The following ARL14EPL variants were observed in gnomAD, a reference collection of about 807,000 sequenced individuals.
The protein encoded by ARL14EPL is ARF like GTPase 14 effector protein like.
A neutral mutation model predicts 15.9 loss-of-function variants in ARL14EPL; 17 were observed. The observed-to-expected ratio is 1.07, with a 90% CI of 0.73 to 1.60. The LOEUF (loss-of-function observed/expected upper bound fraction) is 1.60. Among genes scored for constraint, ARL14EPL ranks in the 40% most tolerant of loss-of-function variants. The probability of loss-of-function intolerance (pLI) is 0.00; values close to 1 mark genes in which losing one functional copy is unlikely to be tolerated. For missense variants in ARL14EPL, 214 were observed against 185.9 expected, an observed-to-expected ratio of 1.15 and a Z score of -0.88; for synonymous variants, 78 against 63.8, an observed-to-expected ratio of 1.22 and a Z score of -1.06.
chr5:116,045,400 C>G (rs957218364), intron 1 of ARL14EPL, among the ~76,000 whole-genome samples: 2 of 152,100 alleles, frequency 1.3e-5, no homozygotes, highest in African/African-American at 4.8e-5. Flanking sequence ...AGTTTTCATC[C>G]TTTTCCACTC....
intron 1 of ARL14EPL, among the ~76,000 whole-genome samples, chr5:116,050,864 C>T (rs537331840): frequency 9.2e-5 from 14 of 151,794 alleles, no homozygotes; most frequent in Admixed American, 2.6e-4. Context: ...CACAGACGCA[C>T]GCACCCTGTA....
intron 3 of ARL14EPL, 87 bp from the exon 4 acceptor site, chr5:116,058,638 T>C (rs1157459869): frequency 1.6e-6 from 2 of 1,269,784 alleles, no homozygotes; most frequent in East Asian, 5.1e-5. Context: ...AAAATGGTCA[T>C]GTGTATGATG....
intron 1 of ARL14EPL, among the ~76,000 whole-genome samples, chr5:116,045,853 A>T (rs1749258045): frequency 1.3e-5 from 2 of 152,170 alleles, no homozygotes; most frequent in South Asian, 4.1e-4. Flanking sequence ...TTGCTTCTAG[A>T]GCATTAACAT....
chr5:116,043,130 C>T (rs140998729), intron 1 of ARL14EPL, among the ~76,000 whole-genome samples: 95 of 152,036 alleles, frequency 6.2e-4, no homozygotes, highest in Non-Finnish European at 1.2e-3. Context: ...ACAGAGTATA[C>T]TCCAAATTAA....
chr5:116,048,452 A>T (rs1749313351), intron 1 of ARL14EPL, among the ~76,000 whole-genome samples: 1 of 152,120 alleles, frequency 6.6e-6, no homozygotes, highest in Non-Finnish European at 1.5e-5. Flanking sequence ...GCAGACAGTG[A>T]TATCTATGGA....
At chr5:116,051,059 A>G (rs1056617183) in intron 1 of ARL14EPL, 1 of 153,610 alleles carries the variant, frequency 6.5e-6, no homozygotes, top group Non-Finnish European at 1.4e-5. Context: ...AGCTGAAACC[A>G]TGAGAGTGGA....
intron 2 of ARL14EPL, 146 bp from the exon 3 acceptor site, chr5:116,053,864 CTTAA>C (rs1662933673): frequency 1.7e-6 from 1 of 591,466 alleles, no homozygotes; most frequent in South Asian, 5.0e-5. Context: ...TCTTTTGAAA[CTTAA>C]TTAGATTAAA....
intron 1 of ARL14EPL, among the ~76,000 whole-genome samples, chr5:116,038,075 C>T (rs752841266): frequency 2.6e-5 from 4 of 151,984 alleles, no homozygotes; most frequent in African/African-American, 4.8e-5. Context: ...GTAGGGATGG[C>T]GGAGTGGGTT....
chr5:116,048,671 C>T (rs187412642), intron 1 of ARL14EPL, among the ~76,000 whole-genome samples: 132 of 152,092 alleles, frequency 8.7e-4, no homozygotes, highest in Admixed American at 6.1e-3. Context: ...TTGACATCTA[C>T]GGCAACTCGA....
At chr5:116,051,664 C>T (rs1749382300) in intron 2 of ARL14EPL, 103 bp downstream of exon 2, 1 of 994,934 alleles carries the variant, frequency 1.0e-6, no homozygotes, top group Non-Finnish European at 1.5e-6. Flanking sequence ...CCAGGCAGGA[C>T]CTCACAGGGA....
At chr5:116,056,346 G>T (rs1207767761) in intron 3 of ARL14EPL, among the ~76,000 whole-genome samples, 2 of 152,192 alleles carry the variant, frequency 1.3e-5, no homozygotes, top group Non-Finnish European at 2.9e-5. Context: ...CATTCTAACT[G>T]GTGTGAGATG....
At chr5:116,058,133 C>G (rs900668593) in intron 3 of ARL14EPL, among the ~76,000 whole-genome samples, 1 of 152,180 alleles carries the variant, frequency 6.6e-6, no homozygotes, top group Non-Finnish European at 1.5e-5. Flanking sequence ...CACCTCCTTT[C>G]TCCCTCCTCA....
In ARL14EPL at chr5:116,052,369, C is replaced by A. The variant is rs746335695; in HGVS notation, c.96+808C>A. On this transcript the variant is annotated intron_variant, in intron 2 of 3. Transcript: ENST00000686077. Reference sequence around the variant, plus strand: ...GCTACAAATGTTTTTATTTAATGAACCTTTATTTTGTTATTATTATGTCAC... The same window carrying A: ...GCTACAAATGTTTTTATTTAATGAAACTTTATTTTGTTATTATTATGTCAC... 3.3e-5 allele frequency: 26 copies of A among 792,850 alleles called. No homozygotes were observed. In the South Asian group the frequency reaches 3.7e-4, roughly 11 times the overall value. 49.1% of individuals were successfully genotyped at this position (792,850 alleles called of 1,614,324 possible).
At chr5:116,044,019 TG>T (rs1749217151) in intron 1 of ARL14EPL, among the ~76,000 whole-genome samples, 1 of 152,208 alleles carries the variant, frequency 6.6e-6, no homozygotes, top group Admixed American at 6.5e-5. Flanking sequence ...AATCTGGAAC[TG>T]GCAAGATGGA....
chr5:116,055,609 C>T (rs6862842), intron 3 of ARL14EPL, among the ~76,000 whole-genome samples: 1 of 151,214 alleles, frequency 6.6e-6, no homozygotes, highest in Non-Finnish European at 1.5e-5. Context: ...TAACTAAGAC[C>T]AAAACAAGGA....
chr5:116,056,351 G>A (rs1749517120), intron 3 of ARL14EPL, among the ~76,000 whole-genome samples: 1 of 152,202 alleles, frequency 6.6e-6, no homozygotes, highest in Non-Finnish European at 1.5e-5. Flanking sequence ...TAACTGGTGT[G>A]AGATGGTATC....
intron 1 of ARL14EPL, among the ~76,000 whole-genome samples, chr5:116,048,127 G>C (rs1749307272): frequency 6.6e-6 from 1 of 152,168 alleles, no homozygotes; most frequent in South Asian, 2.1e-4. Flanking sequence ...CTCTGCTCTA[G>C]GAGTCTGATG....
chr5:116,055,860 A>G (rs1749504907), intron 3 of ARL14EPL, among the ~76,000 whole-genome samples: 1 of 151,352 alleles, frequency 6.6e-6, no homozygotes, highest in African/African-American at 2.4e-5. Flanking sequence ...AAGTGTTCTC[A>G]TTGTTCAATT....
intron 3 of ARL14EPL, among the ~76,000 whole-genome samples, chr5:116,055,096 G>C (rs1308439685): frequency 6.6e-6 from 1 of 152,046 alleles, no homozygotes; most frequent in Non-Finnish European, 1.5e-5. Flanking sequence ...ATTTCATAGA[G>C]GAAACAACAA....
Sources: gnomAD v4.1 joint callset for allele counts (sites outside exome capture counted in the v4.1 genomes callset) on GRCh38, gnomAD v4.1.1 for gene constraint, MANE v1.5 for transcripts, NCBI Gene and HGNC (gene_info 2026-07-23, HGNC 2026-07-21) for gene names.